The following PCNP variants were observed in gnomAD, a reference collection of about 807,000 sequenced individuals.
PCNP encodes PEST proteolytic signal-containing nuclear protein.
Under a neutral mutation model 21.8 loss-of-function variants are expected in PCNP, and 6 were observed. That is an observed-to-expected ratio of 0.28 (90% CI 0.15 to 0.54). The LOEUF is 0.54. Among genes scored for constraint, PCNP ranks in the 20% least tolerant of loss-of-function variants. The pLI is 0.95. For missense variants in PCNP, 161 were observed against 215.5 expected (o/e 0.75, Z 1.58); for synonymous variants, 67 against 73.2 (o/e 0.92, Z 0.43).
chr3:101,583,615 C>CAAAA (rs1935345390), intron 2 of PCNP, among the ~76,000 whole-genome samples: 1 of 148,624 alleles, frequency 6.7e-6, no homozygotes, highest in Admixed American at 6.8e-5. Flanking sequence ...GACCTTGTCT[C>CAAAA]AAAAAAGAAA....
intron 4 of PCNP, among the ~76,000 whole-genome samples, 175 bp from the exon 5 acceptor site, chr3:101,592,452 G>A (rs1416603398): frequency 6.6e-6 from 1 of 152,114 alleles, no homozygotes; most frequent in African/African-American, 2.4e-5. Flanking sequence ...GGGATTACAG[G>A]TATCAGCACC....
At chr3:101,574,144 A>G, upstream of PCNP, 2 of 1,516,228 alleles carry the variant, frequency 1.3e-6, no homozygotes, top group Non-Finnish European at 1.8e-6. Flanking sequence ...GGCTGGCCCC[A>G]AAAACTCGAT....
rs977983452 is a variant in PCNP at position 101,577,509 on chromosome 3, C to T, written c.65-2281C>T. On this transcript the variant is annotated intron_variant, in intron 1 of 4. Transcript: ENST00000265260. ...TGAAGGGTACCCTTACAGACTTAAA[C>T]TTTCTTATTAGGTAGTTTTTTCTTC... Among the ~76,000 whole-genome samples the T allele has an allele frequency of 2.3e-4, 35 of 152,096 alleles. 1 individual carries two copies. Among genetic ancestry groups the T allele is most frequent in the Non-Finnish European group, 1.5e-5 (1 of 68,026 alleles).
rs1239481698 is a variant in PCNP at position 101,574,223 on chromosome 3, A to G, written c.8A>G (p.Asp3Gly). Residue 3 changes from aspartate to glycine, a missense_variant, in exon 1 of 5, where the codon GAC becomes GGC. By Grantham distance (94) the Asp-to-Gly change is moderately conservative. Around this residue, in one of 4 missense-constraint regions of PCNP, gnomAD observed 43 missense variants for 26.6 expected, o/e 1.62. Transcript: ENST00000265260. MA[D>G]GKAGDEKPEK... ...GAGGCCGCGGCGGGGAAAATGGCGG[A>G]CGGGAAGGCGGGAGACGAGAAGCCT... 6.5e-7 allele frequency: 1 copy of G among 1,549,244 alleles called. No homozygotes were observed. Among genetic ancestry groups the G allele is most frequent in the Admixed American group, 2.0e-5 (1 of 50,758 alleles).
intron 2 of PCNP, among the ~76,000 whole-genome samples, chr3:101,584,997 C>T (rs574045448): frequency 6.6e-6 from 1 of 152,270 alleles, no homozygotes; most frequent in Admixed American, 6.5e-5. Flanking sequence ...GAGCAAGACT[C>T]TGTTCTCAAA....
At position 101,579,900 on chromosome 3, in the gene PCNP, G is replaced by C; in HGVS notation, c.175G>C (p.Ala59Pro). ...GAAGCGATCAGCTGAAGAAGAAGCT[G>C]CCGACCTCCCAACAAAGCCTACAAA... ...AEKRSAEEEA[A>P]DLPTKPTKIS... Residue 59 changes from alanine (A) to proline (P), a missense_variant, in exon 2 of 5, where the codon GCC becomes CCC. Physicochemically the swap from Ala to Pro is conservative, Grantham distance 27. Around this residue, in one of 4 missense-constraint regions of PCNP, gnomAD observed 46 missense variants for 39.3 expected, o/e 1.17. Transcript: ENST00000265260. The C allele has an allele frequency of 5.6e-6, 9 of 1,614,044 alleles. No individual in the cohort carries two copies. The highest frequency in any genetic ancestry group is 1.7e-4 in the Middle Eastern group (1 of 6,044).
At chr3:101,579,013 A>G (rs1024680028) in intron 1 of PCNP, among the ~76,000 whole-genome samples, 14 of 152,186 alleles carry the variant, frequency 9.2e-5, no homozygotes, top group Non-Finnish European at 1.6e-4. Flanking sequence ...ATACAAACAG[A>G]AGCAAAATTA....
At chr3:101,589,554 G>T (rs1935701888) in intron 3 of PCNP, among the ~76,000 whole-genome samples, 1 of 152,096 alleles carries the variant, frequency 6.6e-6, no homozygotes, top group Non-Finnish European at 1.5e-5. Context: ...GGGATTACAG[G>T]CACGCGCCAC....
chr3:101,583,472 C>T (rs1422046385), intron 2 of PCNP, among the ~76,000 whole-genome samples: 1 of 151,880 alleles, frequency 6.6e-6, no homozygotes, highest in Non-Finnish European at 1.5e-5. Context: ...ACAAATGAGC[C>T]GGGCATGGCA....
chr3:101,592,572 T>C, intron 4 of PCNP, 55 bp from the exon 5 acceptor site: 1 of 1,420,878 alleles, frequency 7.0e-7, no homozygotes, highest in South Asian at 1.3e-5. Flanking sequence ...ATCAAAATCA[T>C]AACCTGAAAG....
At chr3:101,588,810 G>C (rs1190253209) in intron 3 of PCNP, among the ~76,000 whole-genome samples, 2 of 152,210 alleles carry the variant, frequency 1.3e-5, no homozygotes, top group African/African-American at 4.8e-5. Flanking sequence ...TACCACAAAA[G>C]TGATGCCAAG....
chr3:101,585,904 C>G (rs1935471374), intron 3 of PCNP, among the ~76,000 whole-genome samples: 1 of 152,140 alleles, frequency 6.6e-6, no homozygotes, highest in Non-Finnish European at 1.5e-5. Flanking sequence ...GGCGCGGTGT[C>G]TCATGCCTGT....
rs1316713874 is a variant in PCNP, at chr3:101,593,760, G to A, written c.*1007G>A. The stretch of plus-strand genomic sequence containing the variant: ...GAACTTAACTATCGGCTTTCTTACT[G>A]GTAAAATTATATGGTTTATTTTAAA... On this transcript the variant is annotated 3_prime_UTR_variant, in exon 5 of 5. Coordinates refer to ENST00000265260, the MANE Select transcript of PCNP (RefSeq NM_020357.3). 6.6e-6 allele frequency: 1 copy of A among 152,490 alleles called. No individual in the cohort carries two copies. Among genetic ancestry groups the A allele is most frequent in the African/African-American group, 2.4e-5 (1 of 41,396 alleles). 9.4% of individuals were successfully genotyped at this position (152,490 alleles called of 1,614,324 possible).
chr3:101,577,432 G>A (rs1228296774), intron 1 of PCNP, among the ~76,000 whole-genome samples: 1 of 152,184 alleles, frequency 6.6e-6, no homozygotes, highest in East Asian at 1.9e-4. Context: ...TACTAGAGAG[G>A]TAGCTCTGCC....
chr3:101,590,403 G>A, intron 4 of PCNP, 133 bp downstream of exon 4: 1 of 585,318 alleles, frequency 1.7e-6, no homozygotes, highest in Non-Finnish European at 3.1e-6. Flanking sequence ...CATGTTCTGT[G>A]TACTAGATGA....
At position 101,594,353 on chromosome 3, in the gene PCNP, A is replaced by G. The variant is rs1935955148; in HGVS notation, c.*1600A>G. 1 of 152,614 alleles carries G rather than the reference A, an allele frequency of 6.6e-6. No individual in the cohort carries two copies. Among genetic ancestry groups the G allele is most frequent in the Non-Finnish European group, 1.5e-5 (1 of 68,038 alleles). The allele number at this position is 152,614 out of a possible 1,614,324, so 9.5% of individuals were successfully genotyped here. A position where few individuals can be genotyped will look rare whatever the true frequency, so the allele number is the denominator to read the frequency against. ...CGTATTATTTTCTTGACCCAAATGAAATATTAACCTAAGGTCAAGCTGGGA... is the reference window on the plus strand; with the variant it reads ...CGTATTATTTTCTTGACCCAAATGAGATATTAACCTAAGGTCAAGCTGGGA... On this transcript the variant is annotated 3_prime_UTR_variant, in exon 5 of 5. Coordinates refer to ENST00000265260, the MANE Select transcript of PCNP (RefSeq NM_020357.3).
At chr3:101,585,581 T>C (rs1392476978) in intron 3 of PCNP, 70 bp downstream of exon 3, 2 of 848,252 alleles carry the variant, frequency 2.4e-6, no homozygotes, top group African/African-American at 3.5e-5. Context: ...TGGCAAATTA[T>C]AGGTTATAAT....
At chr3:101,591,322 C>T (rs187143919) in intron 4 of PCNP, among the ~76,000 whole-genome samples, 4 of 152,264 alleles carry the variant, frequency 2.6e-5, no homozygotes, top group Admixed American at 2.6e-4. Flanking sequence ...ATACTATGTC[C>T]CCATTTCTTC....
chr3:101,593,922 G>A lies in PCNP; in HGVS notation c.*1169G>A, dbSNP rs780561690. On this transcript the variant is annotated 3_prime_UTR_variant, in exon 5 of 5. Transcript: ENST00000265260. Reference sequence around the variant, plus strand: ...TAGATTTGTGTATTGTAGGGTGTTTGTTTTGTATTTTTGTATTGTATATGA... The same window carrying A: ...TAGATTTGTGTATTGTAGGGTGTTTATTTTGTATTTTTGTATTGTATATGA... 3.7e-4 allele frequency: 56 copies of A among 152,642 alleles called. No homozygotes were observed. The highest frequency in any genetic ancestry group is 5.9e-4 in the Non-Finnish European group (40 of 67,992). The allele number at this position is 152,642 out of a possible 1,614,324, so 9.5% of individuals were successfully genotyped here.
Sources: gnomAD v4.1 joint callset for allele counts (sites outside exome capture counted in the v4.1 genomes callset) on GRCh38, gnomAD v4.1.1 for gene constraint, gnomAD v4.1.1 regional missense constraint, MANE v1.5 for transcripts, NCBI Gene and HGNC (gene_info 2026-07-23, HGNC 2026-07-21) for gene names.